SKIC8: variants seen among roughly 807,000 people sequenced by gnomAD.
The protein encoded by SKIC8 is superkiller complex protein 8.
At chr15:78,297,044 AG>A in the SKIC8 span, among the ~76,000 whole-genome samples, 1 of 152,252 alleles carries the variant, frequency 6.6e-6, no homozygotes, top group Non-Finnish European at 1.5e-5. Flanking sequence ...AATATACATT[AG>A]TAATTCATTA....
At chr15:78,285,352 G>C in the SKIC8 span, 1 of 1,613,230 alleles carries the variant, frequency 6.2e-7, no homozygotes, top group African/African-American at 1.3e-5. Context: ...ATTTTAAAAA[G>C]TGAACATTAG....
chr15:78,286,016 G>GA, the SKIC8 span: 1 of 1,592,372 alleles, frequency 6.3e-7, no homozygotes, highest in Non-Finnish European at 8.6e-7. Context: ...CAGCATTTTA[G>GA]AAACTGCTAA....
chr15:78,295,343 C>T, the SKIC8 span: 2 of 567,210 alleles, frequency 3.5e-6, no homozygotes, highest in Middle Eastern at 4.6e-4. Context: ...CGTCTATTAA[C>T]TTTGTCCCTA....
chr15:78,286,352 C>A, the SKIC8 span: 1 of 446,358 alleles, frequency 2.2e-6, no homozygotes, highest in Non-Finnish European at 4.0e-6. Context: ...GTGTTGACAC[C>A]ACCAAAAGCC....
the SKIC8 span, among the ~76,000 whole-genome samples, chr15:78,287,929 C>G: frequency 0.19 from 28,265 of 152,114 alleles, 3,165 homozygotes; most frequent in Admixed American, 0.31. Context: ...AAAATGGATG[C>G]TCTAATTTCT....
At chr15:78,290,816 CT>C in the SKIC8 span, 62,209 of 149,840 alleles carry the variant, frequency 0.42, 12,984 homozygotes, top group Admixed American at 0.49. Context: ...CCCATTCTTC[CT>C]TTTTTTTTTT....
the SKIC8 span, chr15:78,284,486 T>C: frequency 2.6e-5 from 4 of 152,340 alleles, no homozygotes; most frequent in East Asian, 7.7e-4. Context: ...TATATTGCCA[T>C]GGACATTTTA....
At chr15:78,283,714 G>T in the SKIC8 span, 4 of 426,600 alleles carry the variant, frequency 9.4e-6, no homozygotes, top group East Asian at 3.5e-5. Context: ...TAGAATTCCT[G>T]CCCCTTCCCA....
At chr15:78,283,720 T>G in the SKIC8 span, 3 of 426,004 alleles carry the variant, frequency 7.0e-6, no homozygotes, top group Non-Finnish European at 1.2e-5. Context: ...TCCTGCCCCT[T>G]CCCATACTCC....
chr15:78,294,922 T>C, the SKIC8 span: 1 of 1,614,124 alleles, frequency 6.2e-7, no homozygotes, highest in African/African-American at 1.3e-5. Flanking sequence ...ACAGATGAAT[T>C]GCTTAAACAG....
chr15:78,289,057 A>T, the SKIC8 span: 3 of 353,694 alleles, frequency 8.5e-6, no homozygotes, highest in African/African-American at 2.2e-5. Context: ...ATAAATAAAA[A>T]GTAAGTCTGT....
chr15:78,293,892 C>T, the SKIC8 span, among the ~76,000 whole-genome samples: 1 of 152,172 alleles, frequency 6.6e-6, no homozygotes, highest in Non-Finnish European at 1.5e-5. Context: ...TTAAAGTCTA[C>T]CTTAAGTCTA....
chr15:78,285,349 A>G, the SKIC8 span: 1 of 1,613,972 alleles, frequency 6.2e-7, no homozygotes, highest in Non-Finnish European at 8.5e-7. Flanking sequence ...ACTATTTTAA[A>G]AAGTGAACAT....
chr15:78,288,398 G>A, the SKIC8 span: 2 of 1,612,662 alleles, frequency 1.2e-6, no homozygotes, highest in East Asian at 2.2e-5. Context: ...ATTCATAAAG[G>A]CCCTTGTTAA....
chr15:78,289,846 C>A, the SKIC8 span: 2 of 1,540,870 alleles, frequency 1.3e-6, no homozygotes, highest in Admixed American at 1.8e-5. Context: ...AGTGAGACAG[C>A]AGCTGCCTGA....
chr15:78,294,967 T>C, the SKIC8 span: 1 of 1,614,130 alleles, frequency 6.2e-7, no homozygotes, highest in East Asian at 2.2e-5. Flanking sequence ...TTGAAGAGAA[T>C]ACCGTACTAA....
At chr15:78,283,506 A>G in the SKIC8 span, 4 of 1,613,600 alleles carry the variant, frequency 2.5e-6, no homozygotes, top group East Asian at 8.9e-5. Flanking sequence ...TTTCCATTGT[A>G]TTTTACTCCC....
the SKIC8 span, chr15:78,290,178 G>A: frequency 6.9e-7 from 1 of 1,447,748 alleles, no homozygotes; most frequent in Non-Finnish European, 9.2e-7. Context: ...TTTACCAAAG[G>A]ATACATCTTT....
the SKIC8 span, chr15:78,288,873 C>T: frequency 2.3e-6 from 1 of 437,462 alleles, no homozygotes; most frequent in African/African-American, 2.0e-5. Flanking sequence ...GTCCTCCTTT[C>T]CAGAGGCCAC....
Sources: gnomAD v4.1 joint callset for allele counts (sites outside exome capture counted in the v4.1 genomes callset) on GRCh38, gnomAD v4.1.1 for gene constraint, MANE v1.5 for transcripts, NCBI Gene and HGNC (gene_info 2026-07-23, HGNC 2026-07-21) for gene names.